The following R3HDM2 variants were observed in gnomAD, a reference collection of about 807,000 sequenced individuals.
R3HDM2 encodes R3H domain containing 2.
A neutral mutation model predicts 124.5 loss-of-function variants in R3HDM2; 38 were observed. That is an observed-to-expected ratio of 0.31 (90% CI 0.24 to 0.40). R3HDM2 has a LOEUF of 0.40. Ranked by LOEUF, R3HDM2 falls within the 10% of genes least tolerant of loss-of-function variation. The probability of loss-of-function intolerance (pLI) is 1.00; values close to 1 mark genes in which losing one functional copy is unlikely to be tolerated. For missense variants in R3HDM2, 869 were observed against 1,236.9 expected, an observed-to-expected ratio of 0.70 and a Z score of 4.46; for synonymous variants, 391 against 448.0, an observed-to-expected ratio of 0.87 and a Z score of 1.61.
intron 1 of R3HDM2, among the ~76,000 whole-genome samples, chr12:57,422,461 T>A (rs2139595314): frequency 6.6e-6 from 1 of 152,300 alleles, no homozygotes; most frequent in South Asian, 2.1e-4. Flanking sequence ...TATACCTCCA[T>A]GATTTACGTA....
intron 4 of R3HDM2, among the ~76,000 whole-genome samples, chr12:57,301,846 G>T (rs1359523928): frequency 6.6e-6 from 1 of 152,154 alleles, no homozygotes; most frequent in African/African-American, 2.4e-5. Flanking sequence ...ATACTTTACT[G>T]CTTCCCAGCT....
chr12:57,413,633 G>A (rs2069227249), intron 1 of R3HDM2, among the ~76,000 whole-genome samples: 1 of 151,458 alleles, frequency 6.6e-6, no homozygotes, highest in Non-Finnish European at 1.5e-5. Flanking sequence ...CTACTCAGGA[G>A]GCTGAAGCAG....
intron 4 of R3HDM2, among the ~76,000 whole-genome samples, chr12:57,300,592 C>A (rs1327904819): frequency 1.3e-5 from 2 of 152,174 alleles, no homozygotes; most frequent in Non-Finnish European, 2.9e-5. Flanking sequence ...AGCTATGAGA[C>A]CCTGAGCAAA....
intron 2 of R3HDM2, among the ~76,000 whole-genome samples, chr12:57,379,432 A>G (rs2064541478): frequency 6.6e-6 from 1 of 151,988 alleles, no homozygotes; most frequent in Admixed American, 6.6e-5. Flanking sequence ...AATACAAAAT[A>G]AGCCTGGCGT....
intron 2 of R3HDM2, among the ~76,000 whole-genome samples, chr12:57,352,907 C>T (rs1012128958): frequency 3.3e-5 from 5 of 151,988 alleles, no homozygotes; most frequent in South Asian, 2.1e-4. Flanking sequence ...TAATTAAATA[C>T]GGTACCAGAT....
intron 2 of R3HDM2, among the ~76,000 whole-genome samples, chr12:57,336,342 C>T (rs1769844716): frequency 6.6e-6 from 1 of 152,094 alleles, no homozygotes; most frequent in Non-Finnish European, 1.5e-5. Flanking sequence ...AACATAAAGA[C>T]ACATTCACAT....
chr12:57,316,212 G>A (rs1336763691), intron 2 of R3HDM2, among the ~76,000 whole-genome samples: 1 of 152,202 alleles, frequency 6.6e-6, no homozygotes, highest in Non-Finnish European at 1.5e-5. Flanking sequence ...CACCTCCCCA[G>A]ACTTCCCTGT....
At chr12:57,423,582 CG>C (rs2070413045) in intron 1 of R3HDM2, among the ~76,000 whole-genome samples, 3 of 151,810 alleles carry the variant, frequency 2.0e-5, no homozygotes, top group Non-Finnish European at 4.4e-5. Flanking sequence ...GAGGCCGAGG[CG>C]GGTGGACTGT....
At chr12:57,307,988 CAG>C (rs1344523133) in intron 3 of R3HDM2, among the ~76,000 whole-genome samples, 2 of 151,806 alleles carry the variant, frequency 1.3e-5, no homozygotes, top group East Asian at 3.9e-4. Context: ...GGAGTCAAGT[CAG>C]AGAGGAGGCA....
At chr12:57,375,167 T>C (rs2063882895) in intron 2 of R3HDM2, among the ~76,000 whole-genome samples, 1 of 151,894 alleles carries the variant, frequency 6.6e-6, no homozygotes, top group South Asian at 2.1e-4. Context: ...CATCAAAATA[T>C]ACACCTCTCA....
chr12:57,299,904 G>C (rs1566034602), intron 5 of R3HDM2, among the ~76,000 whole-genome samples, 191 bp downstream of exon 5: 1 of 151,960 alleles, frequency 6.6e-6, no homozygotes, highest in East Asian at 1.9e-4. Flanking sequence ...GTGCAGGTCT[G>C]TCAGCACTGC....
chr12:57,298,017 G>A (rs989425280), intron 7 of R3HDM2, 73 bp downstream of exon 7: 6 of 1,050,316 alleles, frequency 5.7e-6, no homozygotes, highest in Non-Finnish European at 8.7e-6. Flanking sequence ...GAAAAATTCT[G>A]GGAAGCCGTT....
At chr12:57,266,066 G>C (rs2042302775) in intron 19 of R3HDM2, among the ~76,000 whole-genome samples, 1 of 150,902 alleles carries the variant, frequency 6.6e-6, no homozygotes, top group Non-Finnish European at 1.5e-5. Flanking sequence ...CAAAGTGTTG[G>C]GATTACAGGC....
chr12:57,430,654 G>T (rs1869670762), intron 1 of R3HDM2, 66 bp downstream of exon 1: 2 of 925,386 alleles, frequency 2.2e-6, no homozygotes, highest in South Asian at 1.0e-4. Flanking sequence ...CGCCCGTGCG[G>T]CCGCCACGCC....
chr12:57,386,057 TCAC>T (rs139532701), intron 2 of R3HDM2, among the ~76,000 whole-genome samples: 2,173 of 152,366 alleles, frequency 0.014, 48 homozygotes, highest in African/African-American at 0.05. Flanking sequence ...GCCACATTTC[TCAC>T]CACATTTTGT....
intron 10 of R3HDM2, among the ~76,000 whole-genome samples, chr12:57,293,555 T>G (rs2049087093): frequency 6.6e-6 from 1 of 152,178 alleles, no homozygotes; most frequent in African/African-American, 2.4e-5. Flanking sequence ...CTCATCATGA[T>G]CTTTCCTCTC....
intron 19 of R3HDM2, among the ~76,000 whole-genome samples, chr12:57,263,467 A>G (rs2041407243): frequency 6.6e-6 from 1 of 152,050 alleles, no homozygotes; most frequent in Non-Finnish European, 1.5e-5. Context: ...GGCGGAAGTC[A>G]TTGCTCCTTT....
At chr12:57,277,413 A>C (rs952236877) in intron 14 of R3HDM2, among the ~76,000 whole-genome samples, 1 of 151,704 alleles carries the variant, frequency 6.6e-6, no homozygotes, top group Middle Eastern at 3.2e-3. Flanking sequence ...TGTGTGACAG[A>C]GTTAAAGGTA....
At chr12:57,302,806 A>G (rs1349448706) in intron 4 of R3HDM2, among the ~76,000 whole-genome samples, 2 of 151,186 alleles carry the variant, frequency 1.3e-5, no homozygotes, top group African/African-American at 4.9e-5. Flanking sequence ...AAAAAAAAAA[A>G]GAAGGGGGAA....
Sources: allele counts gnomAD v4.1 joint callset (sites outside exome capture counted in the v4.1 genomes callset), GRCh38; gene constraint gnomAD v4.1.1; transcripts MANE v1.5; gene names NCBI Gene and HGNC (gene_info 2026-07-23, HGNC 2026-07-21).